NALCN: variants seen among roughly 807,000 people sequenced by gnomAD.
NALCN encodes the protein sodium leak channel, non-selective, also known as sodium leak channel NALCN.
In NALCN, 111 loss-of-function variants were observed where a neutral mutation model predicts 225.3. The observed-to-expected ratio is 0.49, with a 90% CI of 0.42 to 0.58. The LOEUF (loss-of-function observed/expected upper bound fraction) is 0.58, where lower values mean the gene tolerates loss of function less well. Ranked by LOEUF, NALCN falls within the 20% of genes least tolerant of loss-of-function variation. NALCN has a pLI of 0.00. For synonymous variants in NALCN, 764 were observed against 769.0 expected (o/e 0.99, Z 0.11); for missense variants, 1,378 against 2,202.4 (o/e 0.63, Z 7.49).
intron 15 of NALCN, among the ~76,000 whole-genome samples, chr13:101,155,858 C>A (rs2037875219): frequency 6.6e-6 from 1 of 152,172 alleles, no homozygotes; most frequent in Non-Finnish European, 1.5e-5. Context: ...TGGTATTCAT[C>A]AGCTCTTGTC....
chr13:101,258,584 C>A lies in NALCN; in HGVS notation c.1135-10G>T, dbSNP rs114020374. ...ATGACCGCATCATTTTCTGAGGGGG[C>A]GAAACAGACAGACTCTTAACAAAGA... On this transcript the variant is annotated splice_polypyrimidine_tract_variant and intron_variant, in intron 10 of 43. Coordinates refer to ENST00000251127, the MANE Select transcript of NALCN (RefSeq NM_052867.4). 9.3e-6 allele frequency: 15 copies of A among 1,613,954 alleles called. 1 individual carries two copies. In the South Asian group the frequency reaches 1.5e-4, roughly 17 times the overall value.
intron 1 of NALCN, among the ~76,000 whole-genome samples, chr13:101,412,017 G>A (rs2047802379): frequency 6.6e-6 from 1 of 152,160 alleles, no homozygotes; most frequent in Non-Finnish European, 1.5e-5. Flanking sequence ...TTGTGGATAA[G>A]TAATTTCTGA....
At chr13:101,169,736 A>G (rs2038625208) in intron 15 of NALCN, among the ~76,000 whole-genome samples, 1 of 152,360 alleles carries the variant, frequency 6.6e-6, no homozygotes, top group African/African-American at 2.4e-5. Flanking sequence ...ACCCAGGCAC[A>G]TATGAATTGT....
At chr13:101,169,161 T>C (rs566757676) in intron 15 of NALCN, among the ~76,000 whole-genome samples, 15 of 152,246 alleles carry the variant, frequency 9.9e-5, no homozygotes, top group African/African-American at 2.9e-4. Flanking sequence ...AGAAACAGTG[T>C]CCTGACCATC....
At chr13:101,078,456 C>T (rs9585619) in intron 34 of NALCN, among the ~76,000 whole-genome samples, 11,685 of 152,236 alleles carry the variant, frequency 0.077, 525 homozygotes, top group African/African-American at 0.12. Flanking sequence ...TCAGTGTGCC[C>T]TGGATATATA....
intron 3 of NALCN, among the ~76,000 whole-genome samples, chr13:101,394,541 T>A (rs907985820): frequency 6.6e-6 from 1 of 152,230 alleles, no homozygotes; most frequent in Non-Finnish European, 1.5e-5. Flanking sequence ...ATGTTTAACC[T>A]ATGTAAAGAT....
At chr13:101,226,771 C>T (rs780728490) in intron 13 of NALCN, among the ~76,000 whole-genome samples, 6 of 152,198 alleles carry the variant, frequency 3.9e-5, no homozygotes, top group Non-Finnish European at 7.3e-5. Context: ...TATGACTCAG[C>T]TCTGCCCTGC....
chr13:101,275,590 G>T (rs960290166), intron 10 of NALCN, among the ~76,000 whole-genome samples: 6 of 152,116 alleles, frequency 3.9e-5, no homozygotes, highest in Non-Finnish European at 8.8e-5. Flanking sequence ...GACCACAATA[G>T]CGTGTAGTCT....
chr13:101,136,302 A>G (rs2036784724), intron 17 of NALCN, among the ~76,000 whole-genome samples: 1 of 5,014 alleles, frequency 2.0e-4, no homozygotes, highest in African/African-American at 2.6e-3. Flanking sequence ...TTATTTATTT[A>G]TTTATTTATT....
chr13:101,187,112 T>C (rs1371309090), intron 14 of NALCN, among the ~76,000 whole-genome samples: 2 of 152,318 alleles, frequency 1.3e-5, no homozygotes, highest in South Asian at 2.1e-4. Context: ...AGCCACAGCC[T>C]GAAAATATTA....
At chr13:101,367,415 AATT>A (rs554063505) in intron 6 of NALCN, among the ~76,000 whole-genome samples, 4 of 151,056 alleles carry the variant, frequency 2.6e-5, no homozygotes, top group Non-Finnish European at 5.9e-5. Context: ...CTTTCTAACT[AATT>A]ATTATTATTA....
intron 9 of NALCN, among the ~76,000 whole-genome samples, chr13:101,290,321 C>A (rs946024): frequency 0.098 from 14,889 of 152,210 alleles, 873 homozygotes; most frequent in South Asian, 0.19. Context: ...TCTCCAGGAA[C>A]ACTGCATGTG....
At chr13:101,366,094 G>A (rs900928455) in intron 6 of NALCN, among the ~76,000 whole-genome samples, 1 of 152,082 alleles carries the variant, frequency 6.6e-6, no homozygotes, top group Admixed American at 6.6e-5. Context: ...TGCCATCACA[G>A]TTGGTATTTC....
chr13:101,181,444 G>A (rs1027569137), intron 14 of NALCN: 1 of 431,154 alleles, frequency 2.3e-6, no homozygotes, highest in Non-Finnish European at 4.6e-6. Flanking sequence ...TGCATGTAAT[G>A]CAGCAAGTTT....
intron 12 of NALCN, among the ~76,000 whole-genome samples, chr13:101,237,411 C>A (rs1313573709): frequency 2.0e-5 from 3 of 151,920 alleles, no homozygotes; most frequent in Non-Finnish European, 2.9e-5. Context: ...AAAGTTTGTG[C>A]CAACATCTTA....
At chr13:101,182,169 T>C (rs1009880553) in intron 14 of NALCN, among the ~76,000 whole-genome samples, 3 of 150,396 alleles carry the variant, frequency 2.0e-5, no homozygotes, top group Admixed American at 2.0e-4. Context: ...ATATGTAATG[T>C]TTTCTTACAT....
chr13:101,138,819 C>A (rs2036928315), intron 17 of NALCN, among the ~76,000 whole-genome samples: 2 of 152,170 alleles, frequency 1.3e-5, no homozygotes, highest in South Asian at 4.1e-4. Context: ...CTTAAGGAAA[C>A]TAGAGTTTAA....
chr13:101,411,545 T>G (rs1030558788), intron 1 of NALCN, among the ~76,000 whole-genome samples: 9 of 152,076 alleles, frequency 5.9e-5, no homozygotes, highest in Non-Finnish European at 1.3e-4. Flanking sequence ...GGACGGGGTT[T>G]CACCATGTTG....
chr13:101,352,815 G>T (rs1004901580), intron 6 of NALCN, among the ~76,000 whole-genome samples: 1 of 152,074 alleles, frequency 6.6e-6, no homozygotes, highest in African/African-American at 2.4e-5. Flanking sequence ...TGTTTACATT[G>T]TTATTACCTT....
Sources: allele counts gnomAD v4.1 joint callset (sites outside exome capture counted in the v4.1 genomes callset), GRCh38; gene constraint gnomAD v4.1.1; transcripts MANE v1.5; gene names NCBI Gene and HGNC (gene_info 2026-07-23, HGNC 2026-07-21).